HMGA2: variants seen among roughly 807,000 people sequenced by gnomAD.
HMGA2 encodes high mobility group AT-hook 2.
HMGA2 carries 8 observed loss-of-function variants against 19.1 expected under a neutral mutation model. The ratio of observed to expected loss-of-function variants is 0.42; its 90% CI spans 0.25 to 0.76. HMGA2 has a LOEUF of 0.76. HMGA2 is among the 30% of genes least tolerant of loss of function. The pLI, the probability that HMGA2 is intolerant of heterozygous loss-of-function variation, is 0.28. For synonymous variants in HMGA2, 60 were observed against 48.8 expected (o/e 1.23, Z -0.96); for missense variants, 109 against 136.3 (o/e 0.80, Z 1.00).
chr12:65,845,945 C>T (rs1871217559), intron 3 of HMGA2, among the ~76,000 whole-genome samples: 1 of 152,210 alleles, frequency 6.6e-6, no homozygotes, highest in African/African-American at 2.4e-5. Context: ...CTCCTCCCCC[C>T]TGCTGCCTGC....
At chr12:65,957,577 G>T (rs1036303608) in intron 4 of HMGA2, 1 of 152,094 alleles carries the variant, frequency 6.6e-6, no homozygotes, top group Non-Finnish European at 1.5e-5. Flanking sequence ...CCTGCAGTAA[G>T]AATTGAACCT....
intron 3 of HMGA2, among the ~76,000 whole-genome samples, chr12:65,893,088 G>T (rs753541721): frequency 6.6e-6 from 1 of 152,162 alleles, no homozygotes; most frequent in African/African-American, 2.4e-5. Context: ...CCGGTCACAG[G>T]CTCCTATTAT....
At chr12:65,957,277 C>A (rs1275777778) in intron 4 of HMGA2, 1 of 152,118 alleles carries the variant, frequency 6.6e-6, no homozygotes, top group Admixed American at 6.5e-5. Flanking sequence ...AGTCTTTAAT[C>A]ATAATTTAAA....
chr12:65,920,821 T>A (rs1427969217), intron 3 of HMGA2, among the ~76,000 whole-genome samples: 1 of 152,160 alleles, frequency 6.6e-6, no homozygotes, highest in Non-Finnish European at 1.5e-5. Context: ...ACAGACTAAC[T>A]AATACAGTAA....
intron 3 of HMGA2, chr12:65,842,624 T>C: frequency 2.6e-6 from 4 of 1,535,546 alleles, no homozygotes; most frequent in Non-Finnish European, 3.5e-6. Flanking sequence ...GAAGCCTTTC[T>C]TCCAATAGCA....
intron 2 of HMGA2, among the ~76,000 whole-genome samples, chr12:65,837,469 T>C (rs1344689003): frequency 6.6e-6 from 1 of 152,204 alleles, no homozygotes; most frequent in African/African-American, 2.4e-5. Flanking sequence ...CTAACTCAGA[T>C]AACAAAAGTA....
chr12:65,941,434 T>C (rs1392956283), intron 3 of HMGA2, among the ~76,000 whole-genome samples: 2 of 152,184 alleles, frequency 1.3e-5, no homozygotes, highest in African/African-American at 4.8e-5. Context: ...TGTTCGGGAA[T>C]AGTTAATGTT....
At position 65,838,644 on chromosome 12, in the gene HMGA2, T is replaced by C. The variant is rs188600698; in HGVS notation, c.249+75T>C. 2.8e-4 allele frequency: 296 copies of C among 1,046,284 alleles called. No individual in the cohort carries two copies. In the African/African-American group the frequency reaches 4.3e-3, roughly 15 times the overall value. 64.8% of individuals were successfully genotyped at this position (1,046,284 alleles called of 1,614,324 possible). ...GTTGTATTAAATGAGAAAAGTTTTA[T>C]TTCGTCGATTACATGAATTTCCAAC... On this transcript the variant is annotated intron_variant, in intron 3 of 4. Transcript: ENST00000403681.
chr12:65,929,620 C>T (rs1875635533), intron 3 of HMGA2, among the ~76,000 whole-genome samples: 1 of 151,950 alleles, frequency 6.6e-6, no homozygotes, highest in South Asian at 2.1e-4. Context: ...GAGGTGATCT[C>T]ATCTATAAAG....
At chr12:65,880,618 G>C (rs1299581425) in intron 3 of HMGA2, among the ~76,000 whole-genome samples, 1 of 152,206 alleles carries the variant, frequency 6.6e-6, no homozygotes, top group African/African-American at 2.4e-5. Context: ...AGAAGTACTA[G>C]TTCAGTGTTT....
intron 4 of HMGA2, chr12:65,952,168 C>A: frequency 1.8e-6 from 1 of 546,010 alleles, no homozygotes; most frequent in South Asian, 2.8e-5. Context: ...TCCTGCTGTT[C>A]TCTTCCCTTC....
chr12:65,918,939 T>C (rs2121235435), intron 3 of HMGA2, among the ~76,000 whole-genome samples: 1 of 152,350 alleles, frequency 6.6e-6, no homozygotes, highest in South Asian at 2.1e-4. Context: ...ACTACAATTT[T>C]CAAAGCACCT....
At chr12:65,871,403 T>G (rs991810558) in intron 3 of HMGA2, among the ~76,000 whole-genome samples, 1 of 152,210 alleles carries the variant, frequency 6.6e-6, no homozygotes, top group East Asian at 1.9e-4. Flanking sequence ...TGCTGACTCC[T>G]GCTCTATTGT....
At chr12:65,857,713 C>T (rs754030528) in intron 3 of HMGA2, 9 of 152,058 alleles carry the variant, frequency 5.9e-5, no homozygotes, top group East Asian at 3.9e-4. Context: ...TAGTTTTAAA[C>T]GAAGTCATGG....
At chr12:65,916,596 AG>A (rs1322126073) in intron 3 of HMGA2, among the ~76,000 whole-genome samples, 10 of 152,388 alleles carry the variant, frequency 6.6e-5, no homozygotes, top group African/African-American at 2.4e-4. Flanking sequence ...AACACGTGAC[AG>A]GAACTATTCC....
At position 65,834,239 on chromosome 12, in the gene HMGA2, T is replaced by C. The variant is rs549457391; in HGVS notation, c.199-4280T>C. 2.3e-4 allele frequency among the ~76,000 whole-genome samples: 35 copies of C among 152,244 alleles called. 1 individual carries two copies. The South Asian group carries it at 7.1e-3, about 31-fold the overall frequency. ...AGTAACCTGAAATGCAGGTTGGAAATTACGCTTTGGGAAACCTTTGAAGGG... is the reference window on the plus strand; with the variant it reads ...AGTAACCTGAAATGCAGGTTGGAAACTACGCTTTGGGAAACCTTTGAAGGG... On this transcript the variant is annotated intron_variant, in intron 2 of 4. Coordinates refer to ENST00000403681, the MANE Select transcript of HMGA2 (RefSeq NM_003483.6).
intron 4 of HMGA2, among the ~76,000 whole-genome samples, chr12:65,961,588 T>C (rs1438968691): frequency 6.6e-6 from 1 of 152,226 alleles, no homozygotes; most frequent in Non-Finnish European, 1.5e-5. Context: ...CTGCCGTGGT[T>C]ATATTTTTCA....
chr12:65,883,991 G>A (rs896809243), intron 3 of HMGA2, among the ~76,000 whole-genome samples: 15 of 152,006 alleles, frequency 9.9e-5, no homozygotes, highest in African/African-American at 2.2e-4. Context: ...TCAGCCTCCC[G>A]GGTAACTGGG....
intron 3 of HMGA2, among the ~76,000 whole-genome samples, chr12:65,932,680 G>A (rs757720813): frequency 6.6e-6 from 1 of 152,218 alleles, no homozygotes; most frequent in Non-Finnish European, 1.5e-5. Context: ...CCACCAGGCA[G>A]TAATGCCCTG....
Sources: gnomAD v4.1 joint callset for allele counts (sites outside exome capture counted in the v4.1 genomes callset) on GRCh38, gnomAD v4.1.1 for gene constraint, MANE v1.5 for transcripts, NCBI Gene and HGNC (gene_info 2026-07-23, HGNC 2026-07-21) for gene names.